The following GRIK3 variants were observed in gnomAD, a reference collection of about 807,000 sequenced individuals.
GRIK3 encodes glutamate receptor ionotropic, kainate 3.
In GRIK3, 29 loss-of-function variants were observed where a neutral mutation model predicts 102.5. The ratio of observed to expected loss-of-function variants is 0.28; its 90% CI spans 0.21 to 0.39. GRIK3 has a LOEUF of 0.39. GRIK3 is among the 10% of genes least tolerant of loss of function. The pLI is 1.00. For synonymous variants in GRIK3, 511 were observed against 504.9 expected (o/e 1.01, Z -0.16); for missense variants, 908 against 1,252.4 (o/e 0.73, Z 4.15).
chr1:36,896,828 C>T (rs1051989472), intron 1 of GRIK3, among the ~76,000 whole-genome samples: 10 of 151,976 alleles, frequency 6.6e-5, no homozygotes, highest in Non-Finnish European at 2.9e-5. Flanking sequence ...AAATTTATTC[C>T]TGGAATGCAA....
chr1:36,970,406 C>G (rs1014157081), intron 1 of GRIK3, among the ~76,000 whole-genome samples: 1 of 152,198 alleles, frequency 6.6e-6, no homozygotes. Flanking sequence ...AATGACATTT[C>G]TAGCCTTTCT....
chr1:36,981,235 C>T (rs1179263086), intron 1 of GRIK3, among the ~76,000 whole-genome samples: 2 of 152,202 alleles, frequency 1.3e-5, no homozygotes, highest in African/African-American at 4.8e-5. Flanking sequence ...TCTGGGGTTT[C>T]TCCATGGAAG....
intron 7 of GRIK3, among the ~76,000 whole-genome samples, chr1:36,855,662 A>G (rs527696593): frequency 6.6e-6 from 1 of 152,370 alleles, no homozygotes; most frequent in South Asian, 2.1e-4. Flanking sequence ...CAGTGCCTGC[A>G]TACACAATCA....
At chr1:36,888,752 C>T (rs1022799234) in intron 2 of GRIK3, among the ~76,000 whole-genome samples, 1 of 152,056 alleles carries the variant, frequency 6.6e-6, no homozygotes, top group African/African-American at 2.4e-5. Context: ...TTATCCCACT[C>T]CTCACTCTTT....
intron 9 of GRIK3, among the ~76,000 whole-genome samples, chr1:36,843,598 G>A (rs1481218352): frequency 1.3e-5 from 2 of 152,084 alleles, no homozygotes; most frequent in South Asian, 2.1e-4. Context: ...CAGACCTTCC[G>A]GAGTTAATCT....
intron 1 of GRIK3, among the ~76,000 whole-genome samples, chr1:36,986,974 A>C (rs1395500095): frequency 2.6e-5 from 4 of 152,270 alleles, no homozygotes; most frequent in African/African-American, 9.6e-5. Flanking sequence ...TCACCCACCC[A>C]ACCCAAGGAT....
chr1:36,986,338 CCCAT>C lies in GRIK3; in HGVS notation c.115+47652_115+47655del, dbSNP rs374435133. On this transcript the variant is annotated intron_variant, in intron 1 of 15. Coordinates refer to ENST00000373091, the MANE Select transcript of GRIK3 (RefSeq NM_000831.4). ...ATCAGTCTGTTCATCCATCTGTCCG[CCCAT>C]CCATCCATCCATCCATCCATCCGTC... 5.1e-3 allele frequency among the ~76,000 whole-genome samples: 773 copies of C among 151,800 alleles called. 5 individuals carry two copies. Among genetic ancestry groups the C allele is most frequent in the African/African-American group, 0.016 (679 of 41,380 alleles).
intron 1 of GRIK3, among the ~76,000 whole-genome samples, chr1:36,986,126 A>T (rs978828434): frequency 6.6e-6 from 1 of 151,842 alleles, no homozygotes; most frequent in African/African-American, 2.4e-5. Context: ...CGGGACCCAG[A>T]CTCTCTATCT....
At position 36,801,815 on chromosome 1, in the gene GRIK3, C is replaced by G; in HGVS notation, c.*36G>C. 1 of 1,538,164 alleles carries G rather than the reference C, an allele frequency of 6.5e-7. No individual in the cohort carries two copies. Among genetic ancestry groups the G allele is most frequent in the Admixed American group, 1.9e-5 (1 of 52,778 alleles). On this transcript the variant is annotated 3_prime_UTR_variant, in exon 16 of 16. Coordinates refer to ENST00000373091, the MANE Select transcript of GRIK3 (RefSeq NM_000831.4). Reference sequence around the variant, plus strand: ...CCAATCTCCTTTGCTTTCCTCTGCCCAGCCCCCAGGCCTGAGGTCCCCACC... The same window carrying G: ...CCAATCTCCTTTGCTTTCCTCTGCCGAGCCCCCAGGCCTGAGGTCCCCACC...
chr1:36,847,037 C>A (rs74064784), intron 9 of GRIK3, among the ~76,000 whole-genome samples: 1 of 152,356 alleles, frequency 6.6e-6, no homozygotes, highest in Non-Finnish European at 1.5e-5. Context: ...CCTCACCCTC[C>A]GGTGATCTCT....
chr1:36,821,934 C>CA (rs1354897131), intron 11 of GRIK3, among the ~76,000 whole-genome samples: 1 of 152,204 alleles, frequency 6.6e-6, no homozygotes, highest in African/African-American at 2.4e-5. Flanking sequence ...TTTTTAACCC[C>CA]AAAAAATCCC....
intron 1 of GRIK3, among the ~76,000 whole-genome samples, chr1:37,020,836 C>CGCCACCGGCT (rs1642702822): frequency 6.6e-6 from 1 of 152,012 alleles, no homozygotes; most frequent in South Asian, 2.1e-4. Context: ...ATGCAGATGG[C>CGCCACCGGCT]GCCACCGGCT....
chr1:36,939,137 C>G (rs901224315), intron 1 of GRIK3, among the ~76,000 whole-genome samples: 4 of 152,204 alleles, frequency 2.6e-5, no homozygotes, highest in African/African-American at 4.8e-5. Flanking sequence ...GCTTCTCTTA[C>G]TGGCAATCAA....
chr1:36,871,688 T>G (rs1305366932), intron 4 of GRIK3, among the ~76,000 whole-genome samples: 1 of 152,232 alleles, frequency 6.6e-6, no homozygotes, highest in Non-Finnish European at 1.5e-5. Flanking sequence ...ACTGCAGAGC[T>G]GAGCAGATGG....
intron 1 of GRIK3, among the ~76,000 whole-genome samples, chr1:37,018,088 A>G (rs1642672932): frequency 6.6e-6 from 1 of 152,106 alleles, no homozygotes; most frequent in African/African-American, 2.4e-5. Flanking sequence ...CTGCTTCTCT[A>G]TCCCATAAAC....
chr1:36,998,708 C>G (rs1642444095), intron 1 of GRIK3, among the ~76,000 whole-genome samples: 1 of 152,146 alleles, frequency 6.6e-6, no homozygotes, highest in Non-Finnish European at 1.5e-5. Context: ...AGAGAAGCCC[C>G]CTTTACTTCA....
rs143147562 is a variant in GRIK3, at chr1:36,904,178, C to T, written c.116-13082G>A. Reference sequence around the variant, plus strand: ...AAGAAAAAAGGGTAATATTTTAACACGTGAACACACAACTGTGTCCCTTCC... The same window carrying T: ...AAGAAAAAAGGGTAATATTTTAACATGTGAACACACAACTGTGTCCCTTCC... On this transcript the variant is annotated intron_variant, in intron 1 of 15. Coordinates refer to ENST00000373091, the MANE Select transcript of GRIK3 (RefSeq NM_000831.4). Among the ~76,000 whole-genome samples, 73 of 152,314 alleles carry T rather than the reference C, an allele frequency of 4.8e-4. No homozygotes were observed. The South Asian group carries it at 5.6e-3, about 12-fold the overall frequency.
At chr1:37,021,875 C>T (rs1408183218) in intron 1 of GRIK3, among the ~76,000 whole-genome samples, 1 of 152,166 alleles carries the variant, frequency 6.6e-6, no homozygotes, top group African/African-American at 2.4e-5. Context: ...GCCTTTAAGT[C>T]CTCAGTTTCC....
chr1:36,814,049 A>T (rs72668140), intron 13 of GRIK3, among the ~76,000 whole-genome samples: 3 of 152,136 alleles, frequency 2.0e-5, no homozygotes, highest in Non-Finnish European at 4.4e-5. Flanking sequence ...CCAGCATCCC[A>T]GACAGGTGAC....
Sources: allele counts gnomAD v4.1 joint callset (sites outside exome capture counted in the v4.1 genomes callset), GRCh38; gene constraint gnomAD v4.1.1; transcripts MANE v1.5; gene names NCBI Gene and HGNC (gene_info 2026-07-23, HGNC 2026-07-21).